Variants in MGAT5 observed in about 807,000 individuals in gnomAD.
The protein encoded by MGAT5 is alpha-1,6-mannosylglycoprotein 6-beta-N-acetylglucosaminyltransferase A.
MGAT5 carries 30 observed loss-of-function variants against 94.3 expected under a neutral mutation model. The ratio of observed to expected loss-of-function variants is 0.32; its 90% CI spans 0.24 to 0.43. MGAT5 has a LOEUF of 0.43. Among genes scored for constraint, MGAT5 ranks in the 20% least tolerant of loss-of-function variants. The pLI is 1.00. For missense variants in MGAT5, 691 were observed against 905.5 expected, an observed-to-expected ratio of 0.76 and a Z score of 3.04; for synonymous variants, 310 against 322.9, an observed-to-expected ratio of 0.96 and a Z score of 0.43.
At chr2:134,393,211 G>A (rs1682516960) in intron 10 of MGAT5, among the ~76,000 whole-genome samples, 1 of 152,168 alleles carries the variant, frequency 6.6e-6, no homozygotes, top group African/African-American at 2.4e-5. Flanking sequence ...TAAAAACACA[G>A]ATTACTTCAT....
chr2:134,338,740 C>T (rs1206968512), intron 6 of MGAT5, among the ~76,000 whole-genome samples: 1 of 152,110 alleles, frequency 6.6e-6, no homozygotes, highest in Non-Finnish European at 1.5e-5. Flanking sequence ...TCGAGAGCTT[C>T]CTATTATATC....
At chr2:134,285,821 C>A (rs546648600) in intron 2 of MGAT5, among the ~76,000 whole-genome samples, 1 of 152,238 alleles carries the variant, frequency 6.6e-6, no homozygotes, top group South Asian at 2.1e-4. Flanking sequence ...GCCACCATTG[C>A]CAGCAACCCC....
intron 1 of MGAT5, among the ~76,000 whole-genome samples, chr2:134,244,952 T>C (rs1682159916): frequency 6.6e-6 from 1 of 152,214 alleles, no homozygotes; most frequent in Non-Finnish European, 1.5e-5. Flanking sequence ...AACATTGGAT[T>C]AAAGTGATTT....
chr2:134,221,076 G>A (rs1339103391), intron 1 of MGAT5, among the ~76,000 whole-genome samples: 1 of 152,190 alleles, frequency 6.6e-6, no homozygotes, highest in African/African-American at 2.4e-5. Flanking sequence ...AAATGTGGGT[G>A]TTGACAAAAA....
intron 1 of MGAT5, among the ~76,000 whole-genome samples, chr2:134,225,683 T>C (rs1681024209): frequency 6.6e-6 from 1 of 152,162 alleles, no homozygotes; most frequent in African/African-American, 2.4e-5. Flanking sequence ...TTGTATACAG[T>C]CATTATAGGA....
intron 2 of MGAT5, among the ~76,000 whole-genome samples, chr2:134,277,355 A>C (rs570447631): frequency 3.3e-5 from 5 of 152,218 alleles, no homozygotes; most frequent in African/African-American, 9.6e-5. Context: ...ACTGACTCAG[A>C]GTTCCACATG....
intron 1 of MGAT5, among the ~76,000 whole-genome samples, chr2:134,246,427 T>G (rs1386575250): frequency 6.6e-6 from 1 of 152,200 alleles, no homozygotes; most frequent in Non-Finnish European, 1.5e-5. Context: ...TGGATTTATT[T>G]TAGAAGAGAA....
At chr2:134,220,696 A>T (rs549727262) in intron 1 of MGAT5, among the ~76,000 whole-genome samples, 2 of 152,188 alleles carry the variant, frequency 1.3e-5, no homozygotes, top group East Asian at 1.9e-4. Flanking sequence ...TGTAGCAGGG[A>T]TCAGCCTTCT....
intron 13 of MGAT5, among the ~76,000 whole-genome samples, chr2:134,426,017 C>T (rs1438220331): frequency 6.6e-6 from 1 of 151,994 alleles, no homozygotes. Flanking sequence ...TTCTGTCCCC[C>T]AAAGAGGCCT....
intron 10 of MGAT5, among the ~76,000 whole-genome samples, chr2:134,382,754 C>A (rs1310261662): frequency 6.6e-6 from 1 of 152,220 alleles, no homozygotes; most frequent in Non-Finnish European, 1.5e-5. Flanking sequence ...GTCAGACCTG[C>A]TGAGGCCAAC....
intron 1 of MGAT5, among the ~76,000 whole-genome samples, chr2:134,169,368 C>T (rs1030811100): frequency 6.7e-6 from 1 of 150,226 alleles, no homozygotes; most frequent in Admixed American, 6.7e-5. Context: ...AGTGAAACCT[C>T]ATCTCCATAA....
At chr2:134,217,238 G>GGTGTGTGTGTGTGTGTGTGTGTGTGTGT (rs35795776) in intron 1 of MGAT5, among the ~76,000 whole-genome samples, 22 of 145,222 alleles carry the variant, frequency 1.5e-4, no homozygotes, top group African/African-American at 5.7e-4. Flanking sequence ...GAGAGAGAGT[G>GGTGTGTGTGTGTGTGTGTGTGTGTGTGT]GTGTGTGTGT....
intron 1 of MGAT5, among the ~76,000 whole-genome samples, chr2:134,185,122 C>T (rs1688941626): frequency 6.6e-6 from 1 of 152,018 alleles, no homozygotes; most frequent in Non-Finnish European, 1.5e-5. Flanking sequence ...ATATGATGGA[C>T]TTTGGGGACT....
In MGAT5 at chr2:134,433,873, C is replaced by G. The variant is rs112815700; in HGVS notation, c.1869+5434C>G. ...TTGCCAATTTCTGGTTTTTCTTCCTCTAGATCCTGCCTGCAGACATTTATA... is the reference window on the plus strand; with the variant it reads ...TTGCCAATTTCTGGTTTTTCTTCCTGTAGATCCTGCCTGCAGACATTTATA... On this transcript the variant is annotated intron_variant, in intron 14 of 15. Transcript: ENST00000281923. Among the ~76,000 whole-genome samples, 14 of 149,160 alleles carry G rather than the reference C, an allele frequency of 9.4e-5. 2 individuals are homozygous for G. Among genetic ancestry groups the G allele is most frequent in the African/African-American group, 3.5e-4 (14 of 40,368 alleles).
intron 6 of MGAT5, 86 bp downstream of exon 6, chr2:134,338,506 T>G: frequency 7.3e-7 from 1 of 1,375,780 alleles, no homozygotes; most frequent in African/African-American, 1.5e-5. Context: ...AAGAGAAATG[T>G]CATATCTCAA....
At chr2:134,131,892 A>G (rs887641766) in intron 1 of MGAT5, among the ~76,000 whole-genome samples, 1 of 152,218 alleles carries the variant, frequency 6.6e-6, no homozygotes, top group Non-Finnish European at 1.5e-5. Flanking sequence ...GGAGGGGGCC[A>G]GGTTTGTGCT....
At chr2:134,318,872 C>T (rs765896048) in intron 4 of MGAT5, 133 bp downstream of exon 4, 52 of 523,772 alleles carry the variant, frequency 9.9e-5, no homozygotes, top group Non-Finnish European at 1.7e-4. Context: ...TCCTTCATTA[C>T]TCTCCCTACC....
intron 10 of MGAT5, among the ~76,000 whole-genome samples, chr2:134,402,783 T>C (rs565862251): frequency 2.6e-5 from 4 of 152,360 alleles, no homozygotes; most frequent in African/African-American, 9.6e-5. Flanking sequence ...AATTATACAA[T>C]GGCTATATGA....
At chr2:134,232,482 G>GA (rs1192876092) in intron 1 of MGAT5, among the ~76,000 whole-genome samples, 1 of 152,096 alleles carries the variant, frequency 6.6e-6, no homozygotes, top group Non-Finnish European at 1.5e-5. Flanking sequence ...TCTACATCTT[G>GA]AAAAATCTCC....
Sources: allele counts gnomAD v4.1 joint callset (sites outside exome capture counted in the v4.1 genomes callset), GRCh38; gene constraint gnomAD v4.1.1; transcripts MANE v1.5; gene names NCBI Gene and HGNC (gene_info 2026-07-23, HGNC 2026-07-21).